SLC14A2: variants seen among roughly 807,000 people sequenced by gnomAD.
SLC14A2 encodes the protein solute carrier family 14 member 2.
Under a neutral mutation model 104.6 loss-of-function variants are expected in SLC14A2, and 91 were observed. The ratio of observed to expected loss-of-function variants is 0.87; its 90% CI spans 0.73 to 1.04. SLC14A2 has a LOEUF of 1.04. Ranked by LOEUF, SLC14A2 falls within the 50% of genes least tolerant of loss-of-function variation. The pLI, the probability that SLC14A2 is intolerant of heterozygous loss-of-function variation, is 0.00. For synonymous variants in SLC14A2, 476 were observed against 466.4 expected (o/e 1.02, Z -0.27); for missense variants, 1,189 against 1,156.0 (o/e 1.03, Z -0.41).
chr18:45,661,880 G>A (rs769550966), intron 10 of SLC14A2, among the ~76,000 whole-genome samples: 10 of 152,214 alleles, frequency 6.6e-5, no homozygotes, highest in Non-Finnish European at 1.0e-4. Flanking sequence ...ATGCAGAGTT[G>A]AGGGGCACTT....
intron 1 of SLC14A2, among the ~76,000 whole-genome samples, chr18:45,308,620 T>C (rs780505452): frequency 1.3e-5 from 2 of 152,198 alleles, no homozygotes; most frequent in Non-Finnish European, 2.9e-5. Context: ...TCCTGGCATC[T>C]GGGAGGTGAT....
At chr18:45,411,077 A>C (rs1431374972) in intron 1 of SLC14A2, among the ~76,000 whole-genome samples, 1 of 152,248 alleles carries the variant, frequency 6.6e-6, no homozygotes, top group Non-Finnish European at 1.5e-5. Context: ...ATGTGATAAG[A>C]AGCTTGCAGG....
upstream of SLC14A2, among the ~76,000 whole-genome samples, chr18:45,613,945 C>T (rs907139264): frequency 1.3e-5 from 2 of 152,190 alleles, no homozygotes; most frequent in Non-Finnish European, 2.9e-5. Context: ...ATTTGTCTAA[C>T]CAGAAGCCAA....
intron 1 of SLC14A2, among the ~76,000 whole-genome samples, chr18:45,438,017 T>G (rs537284212): frequency 1.3e-5 from 2 of 152,318 alleles, no homozygotes; most frequent in South Asian, 4.1e-4. Context: ...AAAACATTTA[T>G]TAAGCCCTTA....
At chr18:45,183,427 C>G in the SLC14A2 span, among the ~76,000 whole-genome samples, 2 of 152,134 alleles carry the variant, frequency 1.3e-5, no homozygotes, top group South Asian at 2.1e-4. Context: ...GCAGCCTACT[C>G]GCACCATATA....
chr18:45,364,587 A>G (rs576365529), intron 1 of SLC14A2, among the ~76,000 whole-genome samples: 38 of 152,312 alleles, frequency 2.5e-4, no homozygotes, highest in African/African-American at 8.9e-4. Context: ...ATAGGAGTGG[A>G]TGTGGCTGAA....
chr18:45,648,195 C>CTTTTTTTTTT (rs59843067), intron 10 of SLC14A2, among the ~76,000 whole-genome samples: 11 of 101,240 alleles, frequency 1.1e-4, no homozygotes, highest in African/African-American at 2.3e-4. Context: ...CTAGTTAATG[C>CTTTTTTTTTT]TTTTTTTTTT....
chr18:45,477,816 T>G (rs1339872899), intron 1 of SLC14A2, among the ~76,000 whole-genome samples: 2 of 152,180 alleles, frequency 1.3e-5, no homozygotes, highest in Non-Finnish European at 2.9e-5. Context: ...GCCTCAGTAA[T>G]GGCGGATGCC....
chr18:45,613,475 T>C (rs374921970), upstream of SLC14A2, among the ~76,000 whole-genome samples: 96 of 152,158 alleles, frequency 6.3e-4, 2 homozygotes, highest in South Asian at 0.018. Context: ...CGGAGGAAGA[T>C]AGATAGAAAG....
At chr18:45,396,625 TTG>T (rs1253167004) in intron 1 of SLC14A2, among the ~76,000 whole-genome samples, 1 of 144,320 alleles carries the variant, frequency 6.9e-6, no homozygotes, top group East Asian at 2.0e-4. Context: ...TGGTTTTTTT[TTG>T]TTTTTGTTTT....
chr18:45,673,695 C>A lies in SLC14A2; in HGVS notation c.2390C>A (p.Ala797Glu), dbSNP rs776377373. ...TMGMLAALTI[A>E]TPFDSIYFGL... ...CCTTCTGTCACAGCACTCACTATTG[C>A]GACGCCCTTTGACTCCATCTACTTC... The change falls in exon 18 of 20, where the codon GCG becomes GAG. Residue 797 changes from alanine (A) to glutamate (E), a missense_variant. Ala to Glu is a moderately radical substitution (Grantham distance 107). Transcript: ENST00000255226. The A allele has an allele frequency of 1.2e-5, 19 of 1,613,890 alleles. No homozygotes were observed. The highest frequency in any genetic ancestry group is 3.3e-5 in the South Asian group (3 of 91,072).
rs769441073 is a variant in SLC14A2, at chr18:45,606,744, AAAAC to A, written c.-34-17883_-34-17880del. Among the ~76,000 whole-genome samples, 537 of 65,862 alleles carry A rather than the reference AAAAC, an allele frequency of 8.2e-3. 9 individuals are homozygous for A. Among genetic ancestry groups the A allele is most frequent in the East Asian group, 0.052 (74 of 1,436 alleles). The allele number at this position is 65,862 out of a possible 152,430, so 43.2% of individuals were successfully genotyped here. On this transcript the variant is annotated intron_variant, in intron 2 of 20. Transcript: ENST00000586448. ...CTGACAAAGTCTAATTAAAAAAAAAAAAACAAAACAAAAACAAAAAAAAAAAACA... is the reference window on the plus strand; with the variant it reads ...CTGACAAAGTCTAATTAAAAAAAAAAAAAACAAAAACAAAAAAAAAAAACA...
At chr18:45,264,987 C>T (rs543727433) in intron 1 of SLC14A2, among the ~76,000 whole-genome samples, 1 of 152,162 alleles carries the variant, frequency 6.6e-6, no homozygotes, top group South Asian at 2.1e-4. Flanking sequence ...AGAGAATATC[C>T]AGAAAAGGAT....
intron 1 of SLC14A2, chr18:45,447,503 G>C (rs2086789782): frequency 1.3e-5 from 2 of 152,198 alleles, no homozygotes; most frequent in South Asian, 2.1e-4. Context: ...AATCTCAAGG[G>C]AAATGAGCAG....
chr18:45,270,213 G>A (rs549432974), intron 1 of SLC14A2, among the ~76,000 whole-genome samples: 2 of 152,262 alleles, frequency 1.3e-5, no homozygotes, highest in Non-Finnish European at 2.9e-5. Flanking sequence ...ACTCACTAAT[G>A]TACTCTGTGT....
chr18:45,488,825 A>G (rs1400510754), intron 2 of SLC14A2, among the ~76,000 whole-genome samples: 1 of 152,166 alleles, frequency 6.6e-6, no homozygotes, highest in Non-Finnish European at 1.5e-5. Flanking sequence ...ACAAAGACTG[A>G]TTTGTTCCCA....
At chr18:45,529,708 C>G (rs2144828472) in intron 2 of SLC14A2, 1 of 152,230 alleles carries the variant, frequency 6.6e-6, no homozygotes. Context: ...CTTAAGAACT[C>G]AAGGCCTAGG....
intron 1 of SLC14A2, chr18:45,438,466 T>C (rs949133385): frequency 2.0e-5 from 3 of 152,164 alleles, no homozygotes; most frequent in African/African-American, 7.2e-5. Flanking sequence ...AAAGGCTCAG[T>C]GTGTGTTTGG....
At chr18:45,309,026 A>G (rs576363029) in intron 1 of SLC14A2, among the ~76,000 whole-genome samples, 12 of 152,110 alleles carry the variant, frequency 7.9e-5, no homozygotes, top group Non-Finnish European at 1.5e-4. Flanking sequence ...CATTATTTCT[A>G]CAGAATATCT....
Sources: allele counts gnomAD v4.1 joint callset (sites outside exome capture counted in the v4.1 genomes callset), GRCh38; gene constraint gnomAD v4.1.1; transcripts MANE v1.5; gene names NCBI Gene and HGNC (gene_info 2026-07-23, HGNC 2026-07-21).